The following SESN3 variants were observed in gnomAD, a reference collection of about 807,000 sequenced individuals.
SESN3 encodes the protein sestrin-3.
A neutral mutation model predicts 55.3 loss-of-function variants in SESN3; 21 were observed. That is an observed-to-expected ratio of 0.38 (90% CI 0.27 to 0.55). The LOEUF (loss-of-function observed/expected upper bound fraction) is 0.55. Ranked by LOEUF, SESN3 falls within the 20% of genes least tolerant of loss-of-function variation. SESN3 has a pLI of 0.76. For missense variants in SESN3, 408 were observed against 604.3 expected, an observed-to-expected ratio of 0.68 and a Z score of 3.41; for synonymous variants, 181 against 203.1, an observed-to-expected ratio of 0.89 and a Z score of 0.93.
chr11:95,190,839 A>G (rs1012503977), intron 3 of SESN3, among the ~76,000 whole-genome samples: 13 of 151,938 alleles, frequency 8.6e-5, no homozygotes, highest in African/African-American at 3.1e-4. Context: ...CTTTTTCTCC[A>G]TTAAAGTCCG....
intron 8 of SESN3, among the ~76,000 whole-genome samples, chr11:95,175,883 A>T (rs569503): frequency 0.028 from 4,306 of 152,278 alleles, 197 homozygotes; most frequent in East Asian, 0.21. Context: ...TGAAGAAAAA[A>T]CGAAGAAAAA....
At chr11:95,189,202 G>A (rs1158590445) in intron 4 of SESN3, among the ~76,000 whole-genome samples, 1 of 151,826 alleles carries the variant, frequency 6.6e-6, no homozygotes, top group Non-Finnish European at 1.5e-5. Context: ...TCACCCTGTA[G>A]GCCTTTGATG....
In SESN3 at chr11:95,172,576, C is replaced by G. The variant is rs1372096343; in HGVS notation, c.*679G>C. The G allele has an allele frequency of 6.6e-6, 1 of 152,114 alleles. No individual in the cohort carries two copies. Among genetic ancestry groups the G allele is most frequent in the Non-Finnish European group, 1.5e-5 (1 of 67,996 alleles). 9.4% of individuals were successfully genotyped at this position (152,114 alleles called of 1,614,324 possible). On this transcript the variant is annotated 3_prime_UTR_variant, in exon 10 of 10. Transcript: ENST00000536441. ...CTGAATTTGGCATTTCAGTAGCATG[C>G]TATAGAATTCATCATGATTAATTTC...
At position 95,169,636 on chromosome 11, in the gene SESN3, G is replaced by C. The variant is rs1321709839; in HGVS notation, c.*3619C>G. ...AAATTTATTTTTTCCATGAGGAATTGTCCTTAGAGTTCAAAAGAATCTTAC... is the reference window on the plus strand; with the variant it reads ...AAATTTATTTTTTCCATGAGGAATTCTCCTTAGAGTTCAAAAGAATCTTAC... On this transcript the variant is annotated 3_prime_UTR_variant, in exon 10 of 10. Transcript: ENST00000536441. 6.6e-6 allele frequency: 1 copy of C among 152,012 alleles called. No individual in the cohort carries two copies. 9.4% of individuals were successfully genotyped at this position (152,012 alleles called of 1,614,324 possible).
At chr11:95,226,994 T>C (rs972067197) in intron 1 of SESN3, among the ~76,000 whole-genome samples, 1 of 152,142 alleles carries the variant, frequency 6.6e-6, no homozygotes, top group East Asian at 1.9e-4. Context: ...TTTAAGATAA[T>C]CAAGTTAAAA....
chr11:95,204,719 ACCCTGATCTAGGACTTC>A (rs1324792282), intron 1 of SESN3: 1 of 152,194 alleles, frequency 6.6e-6, no homozygotes, highest in Non-Finnish European at 1.5e-5. Context: ...ATTTGCTGGC[ACCCTGATCTAGGACTTC>A]TCAGCTTGCG....
At chr11:95,190,070 C>T (rs921598584) in intron 3 of SESN3, 109 bp from the exon 4 acceptor site, 17 of 736,194 alleles carry the variant, frequency 2.3e-5, no homozygotes, top group Non-Finnish European at 3.4e-5. Context: ...ATAGCCAGTA[C>T]CTCTTTTCTT....
chr11:95,213,600 G>A (rs149640566), intron 1 of SESN3, among the ~76,000 whole-genome samples: 162 of 152,216 alleles, frequency 1.1e-3, no homozygotes, highest in African/African-American at 3.8e-3. Flanking sequence ...TAGGTGATCT[G>A]TAGACCCCAA....
At chr11:95,218,751 C>T (rs575643512) in intron 1 of SESN3, among the ~76,000 whole-genome samples, 1 of 151,208 alleles carries the variant, frequency 6.6e-6, no homozygotes, top group African/African-American at 2.4e-5. Context: ...CCCGGGTTCA[C>T]GGCATTCTCC....
chr11:95,215,970 C>T (rs892426889), intron 1 of SESN3, among the ~76,000 whole-genome samples: 8 of 151,602 alleles, frequency 5.3e-5, no homozygotes, highest in Non-Finnish European at 1.0e-4. Context: ...TGGTGGTGGG[C>T]GCCTGTAGTC....
At position 95,178,843 on chromosome 11, in the gene SESN3, G is replaced by T; in HGVS notation, c.938-15C>A. 2 of 1,400,070 alleles carry T rather than the reference G, an allele frequency of 1.4e-6. No individual in the cohort carries two copies. Among genetic ancestry groups the T allele is most frequent in the South Asian group, 1.2e-5 (1 of 86,718 alleles). The allele number at this position is 1,400,070 out of a possible 1,614,324, so 86.7% of individuals were successfully genotyped here. A position where few individuals can be genotyped will look rare whatever the true frequency, so the allele number is the denominator to read the frequency against. Reference sequence around the variant, plus strand: ...ATCCTCAAAATCTAAGGACAATAATGAACAATCTAGTGTTAAGGATACTGT... The same window carrying T: ...ATCCTCAAAATCTAAGGACAATAATTAACAATCTAGTGTTAAGGATACTGT... On this transcript the variant is annotated splice_polypyrimidine_tract_variant and intron_variant, in intron 6 of 9. Coordinates refer to ENST00000536441, the MANE Select transcript of SESN3 (RefSeq NM_144665.4).
At chr11:95,215,099 G>C (rs1456983823) in intron 1 of SESN3, among the ~76,000 whole-genome samples, 3 of 152,098 alleles carry the variant, frequency 2.0e-5, no homozygotes, top group Non-Finnish European at 1.5e-5. Context: ...TGTTGAAACT[G>C]AAGTGGATGT....
chr11:95,171,636 G>T lies in SESN3; in HGVS notation c.*1619C>A, dbSNP rs1193065065. ...AGTAAGTCTAAAATGAAATATTTGCGGGAACTCTAACAGAAAATTTTATCT... is the reference window on the plus strand; with the variant it reads ...AGTAAGTCTAAAATGAAATATTTGCTGGAACTCTAACAGAAAATTTTATCT... On this transcript the variant is annotated 3_prime_UTR_variant, in exon 10 of 10. Transcript: ENST00000536441. 1.3e-5 allele frequency: 2 copies of T among 152,006 alleles called. No individual in the cohort carries two copies. Among genetic ancestry groups the T allele is most frequent in the Non-Finnish European group, 2.9e-5 (2 of 67,956 alleles). 9.4% of individuals were successfully genotyped at this position (152,006 alleles called of 1,614,324 possible). A position where few individuals can be genotyped will look rare whatever the true frequency, so the allele number is the denominator to read the frequency against.
chr11:95,204,839 G>A (rs748316222), intron 1 of SESN3: 2 of 152,088 alleles, frequency 1.3e-5, no homozygotes, highest in Non-Finnish European at 2.9e-5. Flanking sequence ...CTCATTTTCT[G>A]GAAAGTCTTG....
At chr11:95,216,213 TTGA>T (rs1211303816) in intron 1 of SESN3, among the ~76,000 whole-genome samples, 1 of 152,150 alleles carries the variant, frequency 6.6e-6, no homozygotes, top group African/African-American at 2.4e-5. Context: ...TGTCAAATAG[TTGA>T]TGATCCATAA....
intron 1 of SESN3, among the ~76,000 whole-genome samples, chr11:95,198,594 A>G (rs1319188336): frequency 6.6e-6 from 1 of 152,214 alleles, no homozygotes; most frequent in Non-Finnish European, 1.5e-5. Flanking sequence ...TGGCTTTTAA[A>G]TAATAAATCT....
At chr11:95,227,951 A>G (rs563357290) in intron 1 of SESN3, among the ~76,000 whole-genome samples, 2 of 152,334 alleles carry the variant, frequency 1.3e-5, no homozygotes, top group Admixed American at 6.5e-5. Context: ...CTCATTGACA[A>G]TAGAGCAAGT....
At chr11:95,200,567 G>A (rs1860443241) in intron 1 of SESN3, among the ~76,000 whole-genome samples, 1 of 151,984 alleles carries the variant, frequency 6.6e-6, no homozygotes, top group Non-Finnish European at 1.5e-5. Flanking sequence ...AGGATCAGAA[G>A]CCCAGCAGAT....
chr11:95,204,706 A>T (rs555334997), intron 1 of SESN3: 5 of 152,326 alleles, frequency 3.3e-5, no homozygotes, highest in Non-Finnish European at 7.3e-5. Context: ...TTCATTAGAC[A>T]CAATTTGCTG....
Sources: allele counts gnomAD v4.1 joint callset (sites outside exome capture counted in the v4.1 genomes callset), GRCh38; gene constraint gnomAD v4.1.1; transcripts MANE v1.5; gene names NCBI Gene and HGNC (gene_info 2026-07-23, HGNC 2026-07-21).